CELF5: variants seen among roughly 807,000 people sequenced by gnomAD.
CELF5 encodes the protein CUG-BP and ETR-3 like factor 5.
Under a neutral mutation model 54.9 loss-of-function variants are expected in CELF5, and 6 were observed. The ratio of observed to expected loss-of-function variants is 0.11; its 90% CI spans 0.06 to 0.22. CELF5 has a LOEUF of 0.22. CELF5 is among the 10% of genes least tolerant of loss of function. The pLI, the probability that CELF5 is intolerant of heterozygous loss-of-function variation, is 1.00. For missense variants in CELF5, 401 were observed against 678.6 expected (o/e 0.59, Z 4.54); for synonymous variants, 271 against 290.9 (o/e 0.93, Z 0.70).
chr19:3,251,116 A>G, intron 2 of CELF5, 49 bp downstream of exon 2: 1 of 1,383,980 alleles, frequency 7.2e-7, no homozygotes, highest in African/African-American at 1.4e-5. Context: ...GATGGCTCTC[A>G]GCCTGGGGTG....
intron 1 of CELF5, among the ~76,000 whole-genome samples, chr19:3,238,300 C>T (rs2079445009): frequency 6.6e-6 from 1 of 152,078 alleles, no homozygotes; most frequent in Non-Finnish European, 1.5e-5. Context: ...ACAGTACTTC[C>T]CTCTGATATC....
At chr19:3,283,481 G>T (rs911516136) in intron 8 of CELF5, among the ~76,000 whole-genome samples, 18 of 151,926 alleles carry the variant, frequency 1.2e-4, no homozygotes, top group African/African-American at 3.4e-4. Context: ...CTTCCTTGTA[G>T]CTGGGACTAC....
At chr19:3,284,347 A>G (rs1289776211) in intron 8 of CELF5, among the ~76,000 whole-genome samples, 2 of 152,166 alleles carry the variant, frequency 1.3e-5, no homozygotes, top group Admixed American at 6.5e-5. Flanking sequence ...GCCCTCCAGC[A>G]CACTCTCCAT....
intron 1 of CELF5, among the ~76,000 whole-genome samples, chr19:3,226,343 G>T (rs957922299): frequency 1.3e-5 from 2 of 151,846 alleles, no homozygotes; most frequent in African/African-American, 4.8e-5. Context: ...GGTGAGATGG[G>T]GCCCAGGCCT....
At position 3,251,086 on chromosome 19, in the gene CELF5, C is replaced by T. The variant is rs773776419; in HGVS notation, c.342+19C>T. On this transcript the variant is annotated intron_variant, in intron 2 of 12. Coordinates refer to ENST00000292672, the MANE Select transcript of CELF5 (RefSeq NM_021938.4). ...GCCCGGAGTGAGTCCTGTGTGGTGT[C>T]TGGGGAGGAGGGGACAGGGGATGGC... is the stretch of plus-strand genomic sequence containing the variant. 2 of 1,601,946 alleles carry T rather than the reference C, an allele frequency of 1.2e-6. No individual in the cohort carries two copies. Among genetic ancestry groups the T allele is most frequent in the South Asian group, 2.2e-5 (2 of 90,820 alleles).
intron 1 of CELF5, among the ~76,000 whole-genome samples, chr19:3,240,461 G>A (rs569161741): frequency 7.2e-5 from 11 of 151,856 alleles, no homozygotes; most frequent in African/African-American, 2.4e-4. Flanking sequence ...CTACGTAGCT[G>A]GGACTACAAG....
rs946802894 is a variant in CELF5 at position 3,282,533 on chromosome 19, T to G, written c.1039+35T>G. On this transcript the variant is annotated intron_variant, in intron 8 of 12. Coordinates refer to ENST00000292672, the MANE Select transcript of CELF5 (RefSeq NM_021938.4). This position sits in a 1 kb window ranked among gnomAD's most constrained non-coding sequence, Gnocchi z 5.2. The stretch of plus-strand genomic sequence containing the variant: ...GGTCGTCCTCTGGGGCCTAGGAGAG[T>G]GGTGGGGAATAAAGATGGTGTTTCT... 2.5e-6 allele frequency: 4 copies of G among 1,586,094 alleles called. No individual in the cohort carries two copies. In the African/African-American group the frequency reaches 5.4e-5, roughly 21 times the overall value.
At chr19:3,280,182 G>A (rs1292092751) in intron 5 of CELF5, among the ~76,000 whole-genome samples, 1 of 152,176 alleles carries the variant, frequency 6.6e-6, no homozygotes, top group African/African-American at 2.4e-5. Context: ...GTTTCTGTCT[G>A]TGCCCCAGCA....
At chr19:3,231,466 A>T (rs1599381865) in intron 1 of CELF5, among the ~76,000 whole-genome samples, 1 of 148,092 alleles carries the variant, frequency 6.8e-6, no homozygotes, top group Non-Finnish European at 1.5e-5. Flanking sequence ...GGATGGATGG[A>T]TGGATGGATG....
chr19:3,282,233 C>T lies in CELF5; in HGVS notation c.858C>T (p.Asn286=), dbSNP rs200411650. 1.9e-4 allele frequency: 313 copies of T among 1,613,258 alleles called. 1 individual carries two copies. The highest frequency in any genetic ancestry group is 1.6e-3 in the South Asian group (142 of 91,082). Reference sequence around the variant, plus strand: ...AGCAGATAGGCGCCGTCAGCCTCAACGGGCTGCCTGCCACACCCATCGCTC... The same window carrying T: ...AGCAGATAGGCGCCGTCAGCCTCAATGGGCTGCCTGCCACACCCATCGCTC... The part of the protein sequence containing the change: ...HIQQIGAVSL[N]GLPATPIAPA... Residue 286 remains asparagine (N), a synonymous_variant, in exon 7 of 13, where the codon AAC becomes AAT. Transcript: ENST00000292672. This position sits in a 1 kb window ranked among gnomAD's most constrained non-coding sequence, Gnocchi z 5.2.
Position 3,224,664 on chromosome 19 carries a change from A to AGGCGGGT in CELF5, c.-72_-71insGGTGGCG. 1.0e-6 allele frequency: 1 copy of AGGCGGGT among 979,746 alleles called. No homozygotes were observed. Among genetic ancestry groups the AGGCGGGT allele is most frequent in the African/African-American group, 1.8e-5 (1 of 56,410 alleles). The allele number at this position is 979,746 out of a possible 1,614,324, so 60.7% of individuals were successfully genotyped here. A position where few individuals can be genotyped will look rare whatever the true frequency, so the allele number is the denominator to read the frequency against. On this transcript the variant is annotated 5_prime_UTR_variant, in exon 1 of 13. Transcript: ENST00000292672. Reference sequence around the variant, plus strand: ...CGCGGGGGCCCGGGAGGGAGGCGGGAGGCGCGGCCGCCGCTCCAGCTGCGA... The same window carrying AGGCGGGT: ...CGCGGGGGCCCGGGAGGGAGGCGGGAGGCGGGTGGCGCGGCCGCCGCTCCAGCTGCGA...
At chr19:3,258,390 G>A (rs1250341858) in intron 2 of CELF5, among the ~76,000 whole-genome samples, 3 of 151,958 alleles carry the variant, frequency 2.0e-5, no homozygotes, top group Non-Finnish European at 4.4e-5. Context: ...CCAAAGTGCT[G>A]GGATTACAGG....
At chr19:3,296,339 A>AG (rs1300430650) in intron 12 of CELF5, 8 of 128,888 alleles carry the variant, frequency 6.2e-5, no homozygotes, top group South Asian at 2.4e-4. Context: ...AAAGAAAGAA[A>AG]AAAAAAAAAA....
Position 3,268,553 on chromosome 19 carries a change from C to A in CELF5, c.343-5319C>A, listed in dbSNP as rs1229664574. Among the ~76,000 whole-genome samples, 2 of 152,160 alleles carry A rather than the reference C, an allele frequency of 1.3e-5. No individual in the cohort carries two copies. Among genetic ancestry groups the A allele is most frequent in the Non-Finnish European group, 2.9e-5 (2 of 68,036 alleles). On this transcript the variant is annotated intron_variant, in intron 2 of 12. Transcript: ENST00000292672. This position sits in a 1 kb window ranked among gnomAD's most constrained non-coding sequence, Gnocchi z 4.4. ...TTCCCGTGCCAGGCACTGTGCCCGG[C>A]ATGCTCTTGGCTGATGGGGATGGAG...
chr19:3,251,652 CTTTTTTTTTTTTT>C (rs1195812856), intron 2 of CELF5, among the ~76,000 whole-genome samples: 5 of 67,110 alleles, frequency 7.5e-5, no homozygotes, highest in African/African-American at 1.8e-4. Context: ...ACAAGGGCTT[CTTTTTTTTTTTTT>C]TTTTTTTTTG....
chr19:3,232,759 T>C (rs1364931280), intron 1 of CELF5, among the ~76,000 whole-genome samples: 1 of 150,588 alleles, frequency 6.6e-6, no homozygotes, highest in East Asian at 2.0e-4. Context: ...CTGGGCAACA[T>C]AGCAAGACCC....
rs60632293 is a variant in CELF5 at position 3,228,875 on chromosome 19, C to CGT, written c.259+3916_259+3917dup. Reference sequence around the variant, plus strand: ...GGGGGTGGCTGGCAGGGTTGGCCGGCGTGTGTGTGTGTGTGTGTGTGTGTG... The same window carrying CGT: ...GGGGGTGGCTGGCAGGGTTGGCCGGCGTGTGTGTGTGTGTGTGTGTGTGTGTG... On this transcript the variant is annotated intron_variant, in intron 1 of 12. Coordinates refer to ENST00000292672, the MANE Select transcript of CELF5 (RefSeq NM_021938.4). This position sits in a 1 kb window ranked among gnomAD's most constrained non-coding sequence, Gnocchi z 6.0. Among the ~76,000 whole-genome samples the CGT allele has an allele frequency of 0.2, 24,864 of 123,908 alleles. 2,560 individuals carry two copies. The highest frequency in any genetic ancestry group is 0.24 in the Non-Finnish European group (14,135 of 58,598). The allele number at this position is 123,908 out of a possible 152,430, so 81.3% of individuals were successfully genotyped here.
rs2080093034 is a variant in CELF5 at position 3,278,454 on chromosome 19, A to T, written c.603+344A>T. ...GTGTGAGTGCGTGTTTGAGTGTGTC[A>T]TTACTAGTAGGCGAGTGTTATGTGA... On this transcript the variant is annotated intron_variant, in intron 5 of 12. Transcript: ENST00000292672. The surrounding 1 kb of genome is among the most constrained non-coding windows in gnomAD (Gnocchi z 4.5). 6.6e-6 allele frequency among the ~76,000 whole-genome samples: 1 copy of T among 151,492 alleles called. No individual in the cohort carries two copies. Among genetic ancestry groups the T allele is most frequent in the African/African-American group, 2.4e-5 (1 of 41,162 alleles).
intron 1 of CELF5, among the ~76,000 whole-genome samples, chr19:3,226,517 G>C (rs1241796301): frequency 6.7e-6 from 1 of 148,858 alleles, no homozygotes; most frequent in African/African-American, 2.5e-5. Context: ...TGTGGCCTAG[G>C]AGGGCAGAGG....
Sources: gnomAD v4.1 joint callset for allele counts (sites outside exome capture counted in the v4.1 genomes callset) on GRCh38, gnomAD v4.1.1 for gene constraint, Gnocchi (gnomAD v3.1) non-coding constraint, MANE v1.5 for transcripts, NCBI Gene and HGNC (gene_info 2026-07-23, HGNC 2026-07-21) for gene names.